SLC16A3: variants seen among roughly 807,000 people sequenced by gnomAD.
The protein encoded by SLC16A3 is solute carrier family 16 member 3, also known as monocarboxylate transporter 4.
Under a neutral mutation model 25.0 loss-of-function variants are expected in SLC16A3, and 22 were observed. The observed-to-expected ratio is 0.88, with a 90% CI of 0.63 to 1.26. The LOEUF is 1.26. Among genes scored for constraint, SLC16A3 ranks in the 50% most tolerant of loss-of-function variants. SLC16A3 has a pLI of 0.00. For missense variants in SLC16A3, 731 were observed against 666.6 expected (o/e 1.10, Z -1.06); for synonymous variants, 390 against 309.2 (o/e 1.26, Z -2.74).
rs757297885 is a variant in SLC16A3 at position 82,236,799 on chromosome 17, G to A, written c.294G>A (p.Ala98=). The change falls in exon 3 of 5, where the codon GCG becomes GCA. Residue 98 remains alanine (A), a synonymous_variant. Coordinates refer to ENST00000582743, the MANE Select transcript of SLC16A3 (RefSeq NM_004207.4). ...RPVMLVGGLF[A]SLGMVAASFC... ...TCATGCTTGTGGGGGGTCTCTTTGC[G>A]TCGCTGGGCATGGTGGCTGCGTCCT... 8.1e-6 allele frequency: 13 copies of A among 1,608,792 alleles called. No individual in the cohort carries two copies. The highest frequency in any genetic ancestry group is 2.2e-5 in the East Asian group (1 of 44,888).
Position 82,229,064 on chromosome 17 carries a change from G to C in SLC16A3, c.-69G>C, listed in dbSNP as rs957234086. 2.1e-4 allele frequency: 3 copies of C among 14,428 alleles called. No individual in the cohort carries two copies. The highest frequency in any genetic ancestry group is 9.3e-4 in the Admixed American group (1 of 1,070). 0.9% of individuals were successfully genotyped at this position (14,428 alleles called of 1,614,324 possible). ...ACCGGCAGAGGCGGGCAGAGGCGGC[G>C]AGAGGCGGCGAGAGGCGGGCTGAGG... On this transcript the variant is annotated 5_prime_UTR_variant, in exon 1 of 5. Transcript: ENST00000582743.
At chr17:82,231,093 A>G (rs1351098698) in intron 1 of SLC16A3, 1 of 152,004 alleles carries the variant, frequency 6.6e-6, no homozygotes, top group African/African-American at 2.4e-5. Flanking sequence ...TACTGCGGGC[A>G]ATACGGGGGC....
intron 1 of SLC16A3, among the ~76,000 whole-genome samples, chr17:82,219,042 G>A (rs530215463): frequency 3.6e-4 from 55 of 152,286 alleles, no homozygotes; most frequent in South Asian, 3.3e-3. Context: ...AGGACGTTTC[G>A]GGGTTACCGT....
In SLC16A3 at chr17:82,237,701, G is replaced by A. The variant is rs779530274; in HGVS notation, c.931G>A (p.Ala311Thr). ...SMFFNGLADL[A>T]GSTAGDYGGL... is the part of the protein sequence containing the mutation. ...GTTCTTCAACGGCCTCGCGGACCTG[G>A]CGGGTTCTACGGCGGGCGACTACGG... is the stretch of plus-strand genomic sequence containing the variant. Residue 311 changes from alanine (A) to threonine (T), a missense_variant, in exon 4 of 5, where the codon GCG (alanine) becomes ACG (threonine). Coordinates refer to ENST00000582743, the MANE Select transcript of SLC16A3 (RefSeq NM_004207.4). 3 of 1,612,642 alleles carry A rather than the reference G, an allele frequency of 1.9e-6. No homozygotes were observed. Among genetic ancestry groups the A allele is most frequent in the Admixed American group, 3.3e-5 (2 of 59,992 alleles).
At chr17:82,237,946 C>T in intron 4 of SLC16A3, 53 bp downstream of exon 4, 1 of 1,566,064 alleles carries the variant, frequency 6.4e-7, no homozygotes, top group East Asian at 2.2e-5. Flanking sequence ...CCGTCAGACG[C>T]CCGCTTTGCG....
chr17:82,225,258 C>A (rs1384821339), upstream of SLC16A3, among the ~76,000 whole-genome samples: 3 of 149,930 alleles, frequency 2.0e-5, no homozygotes, highest in African/African-American at 4.9e-5. Flanking sequence ...GAGACTCTGT[C>A]AAAAAAAAAT....
chr17:82,226,253 T>C (rs1233071525), upstream of SLC16A3, among the ~76,000 whole-genome samples: 1 of 152,106 alleles, frequency 6.6e-6, no homozygotes, highest in East Asian at 1.9e-4. Flanking sequence ...GGGGGCGTCC[T>C]GTGAAGCTGC....
At chr17:82,227,877 C>T (rs1434671339), upstream of SLC16A3, among the ~76,000 whole-genome samples, 5 of 152,294 alleles carry the variant, frequency 3.3e-5, no homozygotes, top group East Asian at 9.7e-4. Context: ...GGGCTTGTAA[C>T]ATTACATAGA....
At chr17:82,227,634 GCGGGAGCACCACC>G (rs2050433761), upstream of SLC16A3, among the ~76,000 whole-genome samples, 1 of 124,390 alleles carries the variant, frequency 8.0e-6, no homozygotes, top group African/African-American at 3.0e-5. Flanking sequence ...CCTGCCCTGG[GCGGGAGCACCACC>G]TGCCCTGGGC....
upstream of SLC16A3, among the ~76,000 whole-genome samples, chr17:82,224,752 ATGCACAGACGCACCCCAACACCTG>A (rs974089133): frequency 4.6e-5 from 7 of 151,128 alleles, no homozygotes; most frequent in African/African-American, 7.4e-5. Flanking sequence ...CCCAACATCC[ATGCACAGACGCACCCCAACACCTG>A]TGCACAGACA....
upstream of SLC16A3, among the ~76,000 whole-genome samples, chr17:82,223,705 C>T (rs1388608609): frequency 1.3e-5 from 2 of 151,662 alleles, no homozygotes; most frequent in African/African-American, 2.4e-5. Flanking sequence ...GGTAGAAATT[C>T]GGTTTGCTGC....
At chr17:82,236,397 G>A (rs117905529) in intron 2 of SLC16A3, 166 bp downstream of exon 2, 25,093 of 701,056 alleles carry the variant, frequency 0.036, 605 homozygotes, top group Non-Finnish European at 0.044. Flanking sequence ...TGCTCTCCAC[G>A]GGGCCAACCC....
rs138653340 is a variant in SLC16A3, at chr17:82,236,037, C to T, written c.29C>T (p.Pro10Leu). The change falls in exon 2 of 5, where the codon CCC (proline) becomes CTC (leucine). Residue 10 changes from proline (P) to leucine (L), a missense_variant. Pro to Leu is a moderately conservative substitution (Grantham distance 98). Coordinates refer to ENST00000582743, the MANE Select transcript of SLC16A3 (RefSeq NM_004207.4). MGGAVVDEGPTGVKAPDGGW... is the reference protein window; with the variant it reads MGGAVVDEGLTGVKAPDGGW... ...GGAGGGGCCGTGGTGGACGAGGGCC[C>T]CACAGGCGTCAAGGCCCCTGACGGC... 123 of 1,612,448 alleles carry T rather than the reference C, an allele frequency of 7.6e-5. No homozygotes were observed. In the Middle Eastern group the frequency reaches 1.3e-3, roughly 17 times the overall value.
rs544860855 is a variant in SLC16A3 at position 82,238,932 on chromosome 17, G to C, written c.1354G>C (p.Glu452Gln). 3 of 1,568,540 alleles carry C rather than the reference G, an allele frequency of 1.9e-6. No homozygotes were observed. In the African/African-American group the frequency reaches 4.1e-5, roughly 21 times the overall value. Reference protein sequence around the residue: ...EVEHFLKAEPEKNGEVVHTPE... With the variant: ...EVEHFLKAEPQKNGEVVHTPE... ...GGAGCATTTCCTGAAGGCTGAGCCTGAGAAAAACGGGGAGGTGGTTCACAC... is the reference window on the plus strand; with the variant it reads ...GGAGCATTTCCTGAAGGCTGAGCCTCAGAAAAACGGGGAGGTGGTTCACAC... Residue 452 changes from glutamate (E) to glutamine (Q), a missense_variant, in exon 5 of 5, where the codon GAG becomes CAG. Coordinates refer to ENST00000582743, the MANE Select transcript of SLC16A3 (RefSeq NM_004207.4).
At chr17:82,233,285 T>C (rs12602929) in intron 1 of SLC16A3, among the ~76,000 whole-genome samples, 105,833 of 152,096 alleles carry the variant, frequency 0.7, 37,380 homozygotes, top group East Asian at 0.93. Flanking sequence ...TGGTGCCAGG[T>C]TGTGGTCTGG....
rs373045465 is a variant in SLC16A3, at chr17:82,238,898, G to C, written c.1320G>C (p.Leu440Phe). Residue 440 changes from leucine (L) to phenylalanine (F), a missense_variant, in exon 5 of 5, where the codon TTG becomes TTC. Transcript: ENST00000582743. ...HKPPADSGVDLREVEHFLKAE... is the reference protein window; with the variant it reads ...HKPPADSGVDFREVEHFLKAE... ...CTCCTGCAGACTCGGGGGTGGACTT[G>C]CGGGAGGTGGAGCATTTCCTGAAGG... 2.5e-6 allele frequency: 4 copies of C among 1,602,396 alleles called. No individual in the cohort carries two copies. The highest frequency in any genetic ancestry group is 3.4e-5 in the Admixed American group (2 of 59,424).
chr17:82,239,460 G>GTT lies in SLC16A3; in HGVS notation c.*485_*486insTT, dbSNP rs1222335478. On this transcript the variant is annotated 3_prime_UTR_variant, in exon 5 of 5. Coordinates refer to ENST00000582743, the MANE Select transcript of SLC16A3 (RefSeq NM_004207.4). ...CCCTGGAAGATGGAAATAAACCTGC[G>GTT]TGTGGGTGGAGTGTTAGGACCAACG... The GTT allele has an allele frequency of 2.8e-4, 47 of 168,384 alleles. No homozygotes were observed. The highest frequency in any genetic ancestry group is 2.1e-4 in the Non-Finnish European group (17 of 79,454). 10.4% of individuals were successfully genotyped at this position (168,384 alleles called of 1,614,324 possible).
chr17:82,228,107 TGTGGCCCTGGCAGG>T (rs1371991357), upstream of SLC16A3, among the ~76,000 whole-genome samples: 2 of 152,324 alleles, frequency 1.3e-5, no homozygotes, highest in South Asian at 2.1e-4. Flanking sequence ...AAAGCATTCC[TGTGGCCCTGGCAGG>T]GTGGCCCTGA....
chr17:82,238,647 T>C (rs960640068), intron 4 of SLC16A3, 55 bp from the exon 5 acceptor site: 30 of 1,535,386 alleles, frequency 2.0e-5, no homozygotes, highest in Non-Finnish European at 2.6e-5. Flanking sequence ...GGTGGAGCCG[T>C]GGGCCCTGGG....
Sources: allele counts gnomAD v4.1 joint callset (sites outside exome capture counted in the v4.1 genomes callset), GRCh38; gene constraint gnomAD v4.1.1; transcripts MANE v1.5; gene names NCBI Gene and HGNC (gene_info 2026-07-23, HGNC 2026-07-21).